HIP1: variants seen among roughly 807,000 people sequenced by gnomAD.
HIP1 encodes the protein huntingtin interacting protein 1.
Under a neutral mutation model 147.6 loss-of-function variants are expected in HIP1, and 65 were observed. The observed-to-expected ratio is 0.44, with a 90% CI of 0.36 to 0.54. The LOEUF is 0.54. HIP1 is among the 20% of genes least tolerant of loss of function. The pLI, the probability that HIP1 is intolerant of heterozygous loss-of-function variation, is 0.00. For synonymous variants in HIP1, 479 were observed against 504.0 expected (o/e 0.95, Z 0.67); for missense variants, 1,061 against 1,299.6 (o/e 0.82, Z 2.82).
chr7:75,568,879 T>TGG lies in HIP1; in HGVS notation c.746-624_746-623insCC, dbSNP rs1554496044. Among the ~76,000 whole-genome samples, 594 of 152,160 alleles carry TGG rather than the reference T, an allele frequency of 3.9e-3. 3 individuals carry two copies. Among genetic ancestry groups the TGG allele is most frequent in the Admixed American group, 8.4e-3 (128 of 15,276 alleles). On this transcript the variant is annotated intron_variant, in intron 8 of 30. Coordinates refer to ENST00000336926, the MANE Select transcript of HIP1 (RefSeq NM_005338.7). The surrounding 1 kb of genome is among the most constrained non-coding windows in gnomAD (Gnocchi z 4.1). ...CAGAAATTAGCCGGGCGCGGTGGCA[T>TGG]GCGCCTGTAATCCCAGCTACTTGGG...
chr7:75,624,608 C>T (rs1162737734), intron 1 of HIP1, among the ~76,000 whole-genome samples: 2 of 152,202 alleles, frequency 1.3e-5, no homozygotes, highest in Non-Finnish European at 2.9e-5. Flanking sequence ...CAGCTCCAAT[C>T]ATGTCAGAAA....
intron 1 of HIP1, among the ~76,000 whole-genome samples, chr7:75,708,099 T>C (rs569967999): frequency 6.7e-6 from 1 of 148,336 alleles, no homozygotes; most frequent in East Asian, 1.9e-4. Context: ...AATTGACAAA[T>C]GGGATCTAAT....
At chr7:75,595,046 C>T (rs920959570) in intron 2 of HIP1, among the ~76,000 whole-genome samples, 3 of 152,086 alleles carry the variant, frequency 2.0e-5, no homozygotes, top group Non-Finnish European at 4.4e-5. Context: ...CTAAATGACT[C>T]ACCCAGAGCA....
intron 1 of HIP1, among the ~76,000 whole-genome samples, chr7:75,674,279 G>T (rs1157087387): frequency 3.3e-5 from 5 of 152,100 alleles, no homozygotes; most frequent in Non-Finnish European, 7.4e-5. Context: ...TTTTGTTCCT[G>T]ATCTTAGGAG....
rs1563205025 is a variant in HIP1, at chr7:75,562,959, G to A, written c.996C>T (p.Leu332=). The change falls in exon 11 of 31, where the codon CTC becomes CTT. Residue 332 remains leucine, a synonymous_variant. Coordinates refer to ENST00000336926, the MANE Select transcript of HIP1 (RefSeq NM_005338.7). Reference sequence around the variant, plus strand: ...CCTGCTGAGAGGCATCCATGTCCATGAGGTCATCCTTCTCTAGGACTGGCT... The same window carrying A: ...CCTGCTGAGAGGCATCCATGTCCATAAGGTCATCCTTCTCTAGGACTGGCT... The part of the protein sequence containing the change: ...DSEPVLEKDD[L]MDMDASQQNL... 5 of 1,614,224 alleles carry A rather than the reference G, an allele frequency of 3.1e-6. No homozygotes were observed. The highest frequency in any genetic ancestry group is 4.2e-6 in the Non-Finnish European group (5 of 1,180,042).
chr7:75,715,462 G>C (rs1186863984), intron 1 of HIP1, among the ~76,000 whole-genome samples: 20 of 110,356 alleles, frequency 1.8e-4, no homozygotes, highest in African/African-American at 7.3e-4. Flanking sequence ...CACACACAGA[G>C]AGAGAGAGAG....
chr7:75,545,054 C>G, intron 26 of HIP1, 34 bp downstream of exon 26: 1 of 1,283,888 alleles, frequency 7.8e-7, no homozygotes, highest in Non-Finnish European at 1.1e-6. Flanking sequence ...GAAGAGGGGT[C>G]ATGGGAGGAC....
chr7:75,636,129 C>T (rs587599083), intron 1 of HIP1, among the ~76,000 whole-genome samples: 26 of 151,232 alleles, frequency 1.7e-4, no homozygotes, highest in Admixed American at 7.9e-4. Flanking sequence ...ATTGCTTGGG[C>T]CCAGGAGTTT....
intron 1 of HIP1, among the ~76,000 whole-genome samples, chr7:75,728,146 T>C (rs1417517602): frequency 6.6e-6 from 1 of 152,230 alleles, no homozygotes; most frequent in Non-Finnish European, 1.5e-5. Flanking sequence ...AACGATAGTG[T>C]TACTTGTGTT....
intron 1 of HIP1, among the ~76,000 whole-genome samples, chr7:75,733,196 C>A (rs1262696088): frequency 1.3e-5 from 2 of 152,096 alleles, no homozygotes; most frequent in Admixed American, 6.6e-5. Flanking sequence ...ACACTTGGAA[C>A]CTGGAGTCCT....
At chr7:75,708,357 A>C (rs575158497) in intron 1 of HIP1, among the ~76,000 whole-genome samples, 4 of 152,132 alleles carry the variant, frequency 2.6e-5, no homozygotes, top group African/African-American at 9.7e-5. Context: ...ATTTTCATGA[A>C]GTCCAGTTTG....
At chr7:75,594,634 C>T (rs192102547) in intron 2 of HIP1, among the ~76,000 whole-genome samples, 275 of 151,694 alleles carry the variant, frequency 1.8e-3, no homozygotes, top group African/African-American at 6.4e-3. Context: ...ATTAGCCGGG[C>T]ATGGTGGTGC....
intron 11 of HIP1, 80 bp downstream of exon 11, chr7:75,562,855 T>C: frequency 6.9e-7 from 1 of 1,456,328 alleles, no homozygotes. Context: ...CAATGGGCTT[T>C]GGCCAGGGTC....
chr7:75,731,871 A>G (rs932600421), intron 1 of HIP1, among the ~76,000 whole-genome samples: 1 of 152,168 alleles, frequency 6.6e-6, no homozygotes, highest in African/African-American at 2.4e-5. Flanking sequence ...CTGGGACTTT[A>G]CAAAATGTCA....
In HIP1 at chr7:75,556,083, T is replaced by C; in HGVS notation, c.1770A>G (p.Glu590=). ...LVSGAAHREE[E]LSALRKELQD... is the part of the protein sequence containing the mutation. ...GCAGTTCTTTCCGAAGAGCAGATAA[T>C]TCCTCCTCCCTATGAGCTGCGCCAC... The change falls in exon 18 of 31, where the codon GAA becomes GAG. Residue 590 remains glutamate (E), a synonymous_variant. Coordinates refer to ENST00000336926, the MANE Select transcript of HIP1 (RefSeq NM_005338.7). 1 of 1,614,138 alleles carries C rather than the reference T, an allele frequency of 6.2e-7. No homozygotes were observed. The highest frequency in any genetic ancestry group is 8.5e-7 in the Non-Finnish European group (1 of 1,180,032).
chr7:75,553,209 AT>A (rs1794852653), intron 22 of HIP1, among the ~76,000 whole-genome samples: 1 of 151,672 alleles, frequency 6.6e-6, no homozygotes, highest in African/African-American at 2.4e-5. Flanking sequence ...AAGTGCTGGG[AT>A]TACAGGCGTG....
intron 23 of HIP1, among the ~76,000 whole-genome samples, chr7:75,548,116 C>A (rs1794641033): frequency 6.6e-6 from 1 of 151,980 alleles, no homozygotes; most frequent in Admixed American, 6.6e-5. Context: ...GCAACCTCCG[C>A]CTCCTGGGTT....
At chr7:75,569,203 T>A (rs782256111) in intron 8 of HIP1, among the ~76,000 whole-genome samples, 25 of 152,200 alleles carry the variant, frequency 1.6e-4, no homozygotes, top group Non-Finnish European at 2.2e-4. Context: ...TCAGCAATCC[T>A]TTTAGTGTTT....
At chr7:75,613,393 C>T (rs1250275402) in intron 1 of HIP1, among the ~76,000 whole-genome samples, 1 of 152,116 alleles carries the variant, frequency 6.6e-6, no homozygotes, top group Non-Finnish European at 1.5e-5. Flanking sequence ...TGCCCAACAT[C>T]AGGGTCTTTT....
Sources: gnomAD v4.1 joint callset for allele counts (sites outside exome capture counted in the v4.1 genomes callset) on GRCh38, gnomAD v4.1.1 for gene constraint, Gnocchi (gnomAD v3.1) non-coding constraint, MANE v1.5 for transcripts, NCBI Gene and HGNC (gene_info 2026-07-23, HGNC 2026-07-21) for gene names.